Variants in ARID1A observed in about 807,000 individuals in gnomAD.
ARID1A encodes AT-rich interactive domain-containing protein 1A.
In ARID1A, 20 loss-of-function variants were observed where a neutral mutation model predicts 212.6. The observed-to-expected ratio is 0.09, with a 90% CI of 0.07 to 0.14. The LOEUF is 0.14. ARID1A is among the 10% of genes least tolerant of loss of function. The pLI is 1.00. For missense variants in ARID1A, 2,587 were observed against 3,059.0 expected (o/e 0.85, Z 3.64); for synonymous variants, 1,376 against 1,222.1 (o/e 1.13, Z -2.63).
intron 1 of ARID1A, among the ~76,000 whole-genome samples, chr1:26,703,276 A>G (rs1183478670): frequency 6.6e-6 from 1 of 152,210 alleles, no homozygotes; most frequent in Non-Finnish European, 1.5e-5. Flanking sequence ...GATTAAAAAC[A>G]TATCTGGGTT....
At chr1:26,751,387 G>A (rs775787970) in intron 4 of ARID1A, among the ~76,000 whole-genome samples, 3 of 152,114 alleles carry the variant, frequency 2.0e-5, no homozygotes, top group South Asian at 4.1e-4. Context: ...AGCTAATCAC[G>A]CAGCATGTCT....
chr1:26,709,859 A>C (rs1163642028), intron 1 of ARID1A, among the ~76,000 whole-genome samples: 2 of 149,510 alleles, frequency 1.3e-5, no homozygotes, highest in African/African-American at 4.9e-5. Context: ...TGGAGACAGA[A>C]TCTCGCTCTG....
Position 26,779,523 on chromosome 1 carries a change from A to G in ARID1A, c.5625A>G (p.Pro1875=). The stretch of plus-strand genomic sequence containing the variant: ...CTTCCCGGCCTCACGCACCCTGCCC[A>G]CCAGCCCCTCGGAAGCATGTGACAA... ...LLPSRPHAPC[P]PAPRKHVTTA... is the part of the protein sequence containing the mutation. The change falls in exon 20 of 20, where the codon CCA becomes CCG. Residue 1875 remains proline (P), a synonymous_variant. Transcript: ENST00000324856. The G allele has an allele frequency of 6.2e-7, 1 of 1,614,096 alleles. No individual in the cohort carries two copies. The highest frequency in any genetic ancestry group is 1.1e-5 in the South Asian group (1 of 91,068).
chr1:26,700,545 TA>T (rs1449184759), intron 1 of ARID1A, among the ~76,000 whole-genome samples: 1 of 152,244 alleles, frequency 6.6e-6, no homozygotes, highest in African/African-American at 2.4e-5. Flanking sequence ...GAAGTTGATT[TA>T]AGGCTTTTTA....
At chr1:26,698,052 G>A (rs1038940733) in intron 1 of ARID1A, among the ~76,000 whole-genome samples, 1 of 152,300 alleles carries the variant, frequency 6.6e-6, no homozygotes, top group East Asian at 1.9e-4. Flanking sequence ...GACTGCTTGG[G>A]AGCTGCTAGA....
chr1:26,728,917 A>G (rs1220939890), intron 1 of ARID1A: 1 of 152,086 alleles, frequency 6.6e-6, no homozygotes, highest in African/African-American at 2.4e-5. Flanking sequence ...TGTGAATTGA[A>G]TTTTGAGCTT....
chr1:26,729,583 T>G, intron 1 of ARID1A, 68 bp from the exon 2 acceptor site: 2 of 1,561,034 alleles, frequency 1.3e-6, no homozygotes, highest in Non-Finnish European at 1.8e-6. Context: ...ACCTGTGTAC[T>G]TGGGTTATAT....
At chr1:26,768,541 A>G (rs1283956158) in intron 11 of ARID1A, among the ~76,000 whole-genome samples, 2 of 152,252 alleles carry the variant, frequency 1.3e-5, no homozygotes. Flanking sequence ...CAGCCAGAGT[A>G]GAAGTAGATC....
chr1:26,708,561 GGT>G (rs1179237543), intron 1 of ARID1A, among the ~76,000 whole-genome samples: 1 of 151,890 alleles, frequency 6.6e-6, no homozygotes, highest in Non-Finnish European at 1.5e-5. Context: ...TGGGATTACA[GGT>G]GCGAGCCACC....
chr1:26,761,340 A>G (rs762085433), intron 5 of ARID1A, 44 bp from the exon 6 acceptor site: 4 of 1,606,458 alleles, frequency 2.5e-6, no homozygotes, highest in Non-Finnish European at 2.6e-6. Flanking sequence ...TAGAATTCCC[A>G]GGCTTAGCCA....
rs2080774797 is a variant in ARID1A at position 26,740,228 on chromosome 1, G to A, written c.1920+7436G>A. On this transcript the variant is annotated intron_variant, in intron 4 of 19. Coordinates refer to ENST00000324856, the MANE Select transcript of ARID1A (RefSeq NM_006015.6). ...CATTTGACAAGGGTTGAACTTGTGT[G>A]ACTTCTGAGGTCATTTGAACTCTTG... Among the ~76,000 whole-genome samples the A allele has an allele frequency of 5.3e-5, 8 of 152,162 alleles. No individual in the cohort carries two copies. In the South Asian group the frequency reaches 1.7e-3, roughly 32 times the overall value.
At position 26,774,765 on chromosome 1, in the gene ARID1A, G is replaced by A. The variant is rs2124120299; in HGVS notation, c.4538G>A (p.Ser1513Asn). The A allele has an allele frequency of 6.2e-7, 1 of 1,614,258 alleles. No homozygotes were observed. Among genetic ancestry groups the A allele is most frequent in the South Asian group, 1.1e-5 (1 of 91,092 alleles). Reference sequence around the variant, plus strand: ...ACCTATAATTATGCCAACAGGCAGAGCACGGGCTCTGCCCCCCAGGGCCCC... The same window carrying A: ...ACCTATAATTATGCCAACAGGCAGAACACGGGCTCTGCCCCCCAGGGCCCC... ...DMTYNYANRQ[S>N]TGSAPQGPAY... is the part of the protein sequence containing the mutation. Residue 1513 changes from serine (S) to asparagine (N), a missense_variant, in exon 18 of 20, where the codon AGC becomes AAC. Transcript: ENST00000324856. The surrounding 1 kb of genome is among the most constrained non-coding windows in gnomAD (Gnocchi z 5.6).
chr1:26,731,705 G>C, intron 3 of ARID1A, 101 bp downstream of exon 3: 2 of 1,304,690 alleles, frequency 1.5e-6, no homozygotes, highest in Non-Finnish European at 2.1e-6. Context: ...TCTCTAACGT[G>C]CACTTAAAGA....
At chr1:26,722,241 G>A (rs980702765) in intron 1 of ARID1A, among the ~76,000 whole-genome samples, 2 of 152,076 alleles carry the variant, frequency 1.3e-5, no homozygotes, top group East Asian at 1.9e-4. Flanking sequence ...TGATTTTTGT[G>A]GTGGTTTTTT....
chr1:26,759,463 C>T (rs2080971051), intron 4 of ARID1A, among the ~76,000 whole-genome samples: 1 of 152,182 alleles, frequency 6.6e-6, no homozygotes, highest in Non-Finnish European at 1.5e-5. Flanking sequence ...CCGCCTCGGC[C>T]TCCCAAAAGG....
In ARID1A at chr1:26,767,774, G is replaced by T. The variant is rs2124085693; in HGVS notation, c.2989-16G>T. ...AATCTGACCCATTCCTATGAATTTT[G>T]ACCTGAACCTTCCAGAAATCCAGTT... On this transcript the variant is annotated splice_polypyrimidine_tract_variant and intron_variant, in intron 10 of 19. Transcript: ENST00000324856. The T allele has an allele frequency of 1.2e-6, 2 of 1,600,658 alleles. No individual in the cohort carries two copies. Among genetic ancestry groups the T allele is most frequent in the South Asian group, 2.2e-5 (2 of 89,904 alleles).
intron 19 of ARID1A, chr1:26,778,779 A>C (rs1216545970): frequency 5.2e-6 from 2 of 382,320 alleles, no homozygotes; most frequent in Admixed American, 4.0e-5. Flanking sequence ...GTGAGGTGCA[A>C]AGCTGTTGGC....
chr1:26,773,724 A>G lies in ARID1A; in HGVS notation c.4004+7A>G. 1 of 1,614,104 alleles carries G rather than the reference A, an allele frequency of 6.2e-7. No homozygotes were observed. Among genetic ancestry groups the G allele is most frequent in the East Asian group, 2.2e-5 (1 of 44,876 alleles). On this transcript the variant is annotated splice_region_variant and intron_variant, in intron 16 of 19. Coordinates refer to ENST00000324856, the MANE Select transcript of ARID1A (RefSeq NM_006015.6). ...AGCAGCAGCAGCAGCAACGGTGAGTAAAGCCTGGTCTCGGTGCTGCTATGG... is the reference window on the plus strand; with the variant it reads ...AGCAGCAGCAGCAGCAACGGTGAGTGAAGCCTGGTCTCGGTGCTGCTATGG...
At chr1:26,709,647 T>TA (rs1553147399) in intron 1 of ARID1A, among the ~76,000 whole-genome samples, 17 of 148,160 alleles carry the variant, frequency 1.1e-4, no homozygotes, top group South Asian at 1.1e-3. Flanking sequence ...TTTTTTTTTT[T>TA]AAACTAAAAT....
Sources: gnomAD v4.1 joint callset for allele counts (sites outside exome capture counted in the v4.1 genomes callset) on GRCh38, gnomAD v4.1.1 for gene constraint, Gnocchi (gnomAD v3.1) non-coding constraint, MANE v1.5 for transcripts, NCBI Gene and HGNC (gene_info 2026-07-23, HGNC 2026-07-21) for gene names.